PIAS4: variants seen among roughly 807,000 people sequenced by gnomAD.
PIAS4 encodes the protein E3 SUMO-protein ligase PIAS4.
Under a neutral mutation model 58.0 loss-of-function variants are expected in PIAS4, and 7 were observed. The observed-to-expected ratio is 0.12, with a 90% CI of 0.07 to 0.23. The LOEUF (loss-of-function observed/expected upper bound fraction) is 0.23. PIAS4 is among the 10% of genes least tolerant of loss of function. The probability of loss-of-function intolerance (pLI) is 1.00; values close to 1 mark genes in which losing one functional copy is unlikely to be tolerated. For synonymous variants in PIAS4, 364 were observed against 312.4 expected, an observed-to-expected ratio of 1.17 and a Z score of -1.74; for missense variants, 550 against 709.5, an observed-to-expected ratio of 0.78 and a Z score of 2.55.
chr19:4,029,058 G>A (rs140448673), intron 7 of PIAS4, 22 bp downstream of exon 7: 27,840 of 1,547,924 alleles, frequency 0.018, 303 homozygotes, highest in Non-Finnish European at 0.021. Flanking sequence ...AGGCCACCTC[G>A]GCCGAGGGGT....
chr19:4,025,368 C>T (rs960445856), intron 3 of PIAS4, among the ~76,000 whole-genome samples: 4 of 152,256 alleles, frequency 2.6e-5, no homozygotes, highest in Non-Finnish European at 5.9e-5. Context: ...CTCTCCGAGG[C>T]TGTACTGCCT....
At chr19:4,022,334 T>TTTG (rs1015534980) in intron 2 of PIAS4, among the ~76,000 whole-genome samples, 1 of 152,128 alleles carries the variant, frequency 6.6e-6, no homozygotes, top group Non-Finnish European at 1.5e-5. Context: ...TTTTGTTTTT[T>TTTG]TTGTTGTTGT....
At position 4,011,625 on chromosome 19, in the gene PIAS4, CGTGTGGAGGTGTGTTTG is replaced by C. The variant is rs1324336848; in HGVS notation, c.28-1267_28-1251del. Among the ~76,000 whole-genome samples the C allele has an allele frequency of 6.0e-4, 90 of 150,884 alleles. No homozygotes were observed. In the East Asian group the frequency reaches 6.6e-3, roughly 11 times the overall value. On this transcript the variant is annotated intron_variant, in intron 1 of 10. Coordinates refer to ENST00000262971, the MANE Select transcript of PIAS4 (RefSeq NM_015897.4). The stretch of plus-strand genomic sequence containing the variant: ...CCGGTCCCCCAGGGACTCAGGGCAA[CGTGTGGAGGTGTGTTTG>C]GTGTGGAGGTGTGTTTGGTGTGGAG...
At chr19:4,008,202 G>A (rs1303692085) in intron 1 of PIAS4, among the ~76,000 whole-genome samples, 1 of 152,092 alleles carries the variant, frequency 6.6e-6, no homozygotes, top group Non-Finnish European at 1.5e-5. Context: ...GTGTTGGGGG[G>A]AGTGTCTGCG....
At chr19:4,022,184 A>G (rs1351964017) in intron 2 of PIAS4, among the ~76,000 whole-genome samples, 1 of 152,182 alleles carries the variant, frequency 6.6e-6, no homozygotes. Flanking sequence ...CCATGTCACT[A>G]AGTTGTCAGA....
rs2040305297 is a variant in PIAS4, at chr19:4,037,047, GC to G, written c.1143-324del. Among the ~76,000 whole-genome samples, 1 of 152,342 alleles carries G rather than the reference GC, an allele frequency of 6.6e-6. No homozygotes were observed. The highest frequency in any genetic ancestry group is 1.9e-4 in the East Asian group (1 of 5,176). ...CAAACATGCGTGCACACCCGGAGGT[GC>G]CCAGAGGGGCAGGGTGGGGAGGACC... On this transcript the variant is annotated intron_variant, in intron 9 of 10. Transcript: ENST00000262971. The surrounding 1 kb of genome is among the most constrained non-coding windows in gnomAD (Gnocchi z 5.8).
intron 4 of PIAS4, 34 bp from the exon 5 acceptor site, chr19:4,028,476 C>T (rs2040190285): frequency 6.5e-7 from 1 of 1,537,382 alleles, no homozygotes. Context: ...CTGTGCGCCC[C>T]CTCCCCGCCC....
chr19:4,027,631 T>A (rs1049456351), intron 3 of PIAS4, among the ~76,000 whole-genome samples: 2 of 143,670 alleles, frequency 1.4e-5, no homozygotes, highest in African/African-American at 5.1e-5. Context: ...GGTGCAATCA[T>A]AGCTTGCAGC....
chr19:4,032,941 C>T (rs966028695), intron 7 of PIAS4, among the ~76,000 whole-genome samples, 159 bp from the exon 8 acceptor site: 2 of 152,198 alleles, frequency 1.3e-5, no homozygotes, highest in East Asian at 3.9e-4. Context: ...CCGGCTTTCT[C>T]CAATCCCTCA....
Position 4,033,117 on chromosome 19 carries a change from C to T in PIAS4, c.925C>T (p.Leu309Phe). 1 of 1,611,984 alleles carries T rather than the reference C, an allele frequency of 6.2e-7. No homozygotes were observed. The highest frequency in any genetic ancestry group is 8.5e-7 in the Non-Finnish European group (1 of 1,179,828). ...CCCCACAGTCAAGGAGAAGCTGCGCCTTGATCCTGACAGCGAGATCGCCAC... is the reference window on the plus strand; with the variant it reads ...CCCCACAGTCAAGGAGAAGCTGCGCTTTGATCCTGACAGCGAGATCGCCAC... ...CKALVKEKLR[L>F]DPDSEIATTG... is the part of the protein sequence containing the mutation. The change falls in exon 8 of 11, where the codon CTT becomes TTT. Residue 309 changes from leucine to phenylalanine, a missense_variant. By Grantham distance (22) the Leu-to-Phe change is conservative. Around this residue, in one of 4 missense-constraint regions of PIAS4, gnomAD observed 225 missense variants for 345.8 expected, o/e 0.65. Transcript: ENST00000262971.
At chr19:4,027,305 G>A (rs189577774) in intron 3 of PIAS4, among the ~76,000 whole-genome samples, 103 of 152,270 alleles carry the variant, frequency 6.8e-4, no homozygotes, top group Admixed American at 2.6e-3. Context: ...CGTGTCTGGC[G>A]TCTCTCACTG....
intron 1 of PIAS4, 135 bp downstream of exon 1, chr19:4,007,922 A>G (rs2039958567): frequency 3.8e-6 from 2 of 521,844 alleles, no homozygotes; most frequent in Admixed American, 5.0e-5. Context: ...CGGCCCCCAG[A>G]CCCCGACCCC....
chr19:4,036,038 TCATACACA>T, intron 9 of PIAS4, among the ~76,000 whole-genome samples: 2 of 110,300 alleles, frequency 1.8e-5, no homozygotes, highest in South Asian at 3.0e-4. Context: ...GTCCACACCG[TCATACACA>T]CACACATCTA....
chr19:4,028,194 C>A lies in PIAS4; in HGVS notation c.581+7C>A. On this transcript the variant is annotated splice_region_variant and intron_variant, in intron 4 of 10. Coordinates refer to ENST00000262971, the MANE Select transcript of PIAS4 (RefSeq NM_015897.4). ...CCGTGCAGGTCGTCCTGAGGTATGCCCAGGTGTGCCCGCGACCCCAGGGCT... is the reference window on the plus strand; with the variant it reads ...CCGTGCAGGTCGTCCTGAGGTATGCACAGGTGTGCCCGCGACCCCAGGGCT... 1 of 1,610,212 alleles carries A rather than the reference C, an allele frequency of 6.2e-7. No individual in the cohort carries two copies. The highest frequency in any genetic ancestry group is 8.5e-7 in the Non-Finnish European group (1 of 1,179,586).
At chr19:4,019,892 G>T (rs2040091586) in intron 2 of PIAS4, among the ~76,000 whole-genome samples, 1 of 152,138 alleles carries the variant, frequency 6.6e-6, no homozygotes, top group African/African-American at 2.4e-5. Context: ...GGCAGGGCTG[G>T]GAGCCGAGCC....
intron 3 of PIAS4, among the ~76,000 whole-genome samples, chr19:4,027,105 G>C (rs945782953): frequency 1.3e-5 from 2 of 152,024 alleles, no homozygotes; most frequent in African/African-American, 4.8e-5. Flanking sequence ...GCCCGCCTCG[G>C]CCTCCCAAAG....
chr19:4,033,973 G>T (rs1043389509), intron 9 of PIAS4, among the ~76,000 whole-genome samples: 3 of 151,904 alleles, frequency 2.0e-5, no homozygotes, highest in Non-Finnish European at 4.4e-5. Flanking sequence ...GAAAGGCAAA[G>T]GAGGTGGCGC....
In PIAS4 at chr19:4,007,771, A is replaced by T; in HGVS notation, c.11A>T (p.Glu4Val). The T allele has an allele frequency of 8.2e-7, 1 of 1,216,030 alleles. No homozygotes were observed. Among genetic ancestry groups the T allele is most frequent in the Non-Finnish European group, 1.0e-6 (1 of 971,318 alleles). 75.3% of individuals were successfully genotyped at this position (1,216,030 alleles called of 1,614,324 possible). Residue 4 changes from glutamate to valine, a missense_variant, in exon 1 of 11, where the codon GAG becomes GTG. Physicochemically the swap from Glu to Val is moderately radical, Grantham distance 121. Around this residue, in one of 4 missense-constraint regions of PIAS4, gnomAD observed 42 missense variants for 84.3 expected, o/e 0.50. Transcript: ENST00000262971. MAA[E>V]LVEAKNMVMS... Reference sequence around the variant, plus strand: ...ACGCTGGTGACCAAGATGGCGGCGGAGCTGGTGGAGGCCAAAGTGAGTGAG... The same window carrying T: ...ACGCTGGTGACCAAGATGGCGGCGGTGCTGGTGGAGGCCAAAGTGAGTGAG...
intron 3 of PIAS4, among the ~76,000 whole-genome samples, chr19:4,025,998 CGGGA>C (rs2040159837): frequency 7.0e-6 from 1 of 142,542 alleles, no homozygotes; most frequent in African/African-American, 2.8e-5. Flanking sequence ...GGCGTGAACC[CGGGA>C]GGCGGAGCTT....
Sources: allele counts gnomAD v4.1 joint callset (sites outside exome capture counted in the v4.1 genomes callset), GRCh38; gene constraint gnomAD v4.1.1; regional missense constraint gnomAD v4.1.1; non-coding constraint Gnocchi (gnomAD v3.1); transcripts MANE v1.5; gene names NCBI Gene and HGNC (gene_info 2026-07-23, HGNC 2026-07-21).